The following CTNNA2 variants were observed in gnomAD, a reference collection of about 807,000 sequenced individuals.
CTNNA2 encodes catenin alpha-2.
CTNNA2 carries 42 observed loss-of-function variants against 101.0 expected under a neutral mutation model. The observed-to-expected ratio is 0.42, with a 90% CI of 0.32 to 0.54. The LOEUF (loss-of-function observed/expected upper bound fraction) is 0.54, where lower values mean the gene tolerates loss of function less well. Among genes scored for constraint, CTNNA2 ranks in the 20% least tolerant of loss-of-function variants. The probability of loss-of-function intolerance (pLI) is 0.14; values close to 1 mark genes in which losing one functional copy is unlikely to be tolerated. For synonymous variants in CTNNA2, 450 were observed against 456.4 expected (o/e 0.99, Z 0.18); for missense variants, 871 against 1,223.1 (o/e 0.71, Z 4.29).
chr2:80,448,749 A>T (rs1193857781), intron 9 of CTNNA2, among the ~76,000 whole-genome samples: 1 of 152,144 alleles, frequency 6.6e-6, no homozygotes, highest in Non-Finnish European at 1.5e-5. Context: ...GAGCTGATAA[A>T]ATATCATGTA....
Position 80,077,558 on chromosome 2 carries a change from G to C in CTNNA2, c.1056+167761G>C, listed in dbSNP as rs562101237. Among the ~76,000 whole-genome samples, 6 of 150,554 alleles carry C rather than the reference G, an allele frequency of 4.0e-5. 1 individual carries two copies. Among genetic ancestry groups the C allele is most frequent in the Middle Eastern group, 3.2e-3 (1 of 314 alleles). ...GAGCCCAGGAGTTTGAGACCAGCATGGGCAACAAAGTGAGACCCTGTCTCT... is the reference window on the plus strand; with the variant it reads ...GAGCCCAGGAGTTTGAGACCAGCATCGGCAACAAAGTGAGACCCTGTCTCT... On this transcript the variant is annotated intron_variant, in intron 7 of 18. Transcript: ENST00000402739.
chr2:79,330,792 C>G (rs572978704), intron 3 of CTNNA2, among the ~76,000 whole-genome samples: 16 of 152,274 alleles, frequency 1.1e-4, no homozygotes, highest in Admixed American at 4.6e-4. Flanking sequence ...CTTTTGTCCT[C>G]CACCATGATT....
intron 6 of CTNNA2, among the ~76,000 whole-genome samples, chr2:79,901,107 C>G (rs1471562486): frequency 6.6e-6 from 1 of 152,162 alleles, no homozygotes; most frequent in Admixed American, 6.5e-5. Context: ...TTTAAACATG[C>G]ATTGTCATTT....
chr2:79,718,532 G>A (rs187825990), intron 2 of CTNNA2, among the ~76,000 whole-genome samples: 14 of 152,174 alleles, frequency 9.2e-5, no homozygotes, highest in African/African-American at 3.1e-4. Context: ...ATGTAATTCC[G>A]GCTGTGCCTT....
intron 7 of CTNNA2, among the ~76,000 whole-genome samples, chr2:80,334,996 T>C (rs896087008): frequency 1.3e-5 from 2 of 152,124 alleles, no homozygotes; most frequent in Non-Finnish European, 2.9e-5. Flanking sequence ...AAGACTTTAG[T>C]TGGTTGAATG....
intron 7 of CTNNA2, among the ~76,000 whole-genome samples, chr2:80,082,139 T>G (rs1348571677): frequency 6.6e-6 from 1 of 152,144 alleles, no homozygotes; most frequent in Non-Finnish European, 1.5e-5. Context: ...ATGGAAATGC[T>G]TTTTGAGTCA....
At chr2:79,673,843 T>C (rs1369116339) in intron 2 of CTNNA2, among the ~76,000 whole-genome samples, 1 of 152,214 alleles carries the variant, frequency 6.6e-6, no homozygotes. Flanking sequence ...CTCCGTGTTT[T>C]ATTTCCTAAT....
chr2:80,016,169 T>G (rs572006179), intron 7 of CTNNA2, among the ~76,000 whole-genome samples: 39 of 152,362 alleles, frequency 2.6e-4, no homozygotes, highest in African/African-American at 9.1e-4. Flanking sequence ...GAAGTATATT[T>G]TGCATTAAAT....
At chr2:80,427,514 C>T (rs1681098125) in intron 9 of CTNNA2, among the ~76,000 whole-genome samples, 1 of 152,176 alleles carries the variant, frequency 6.6e-6, no homozygotes, top group African/African-American at 2.4e-5. Flanking sequence ...AGGGAGCTGG[C>T]TCTATCTGAC....
intron 11 of CTNNA2, among the ~76,000 whole-genome samples, chr2:80,549,310 C>T (rs1048994244): frequency 2.0e-5 from 3 of 152,036 alleles, no homozygotes; most frequent in Admixed American, 1.3e-4. Context: ...TCATAATGCC[C>T]AAGAGTTTTG....
At chr2:79,837,300 G>C (rs186511446) in intron 3 of CTNNA2, among the ~76,000 whole-genome samples, 1 of 152,174 alleles carries the variant, frequency 6.6e-6, no homozygotes, top group African/African-American at 2.4e-5. Flanking sequence ...AGGCTGGGAG[G>C]CTAGGCCAGT....
chr2:80,223,068 G>A (rs1228152675), intron 7 of CTNNA2, among the ~76,000 whole-genome samples: 1 of 152,016 alleles, frequency 6.6e-6, no homozygotes, highest in Non-Finnish European at 1.5e-5. Context: ...TTACATCCTA[G>A]GTTTCAGATA....
intron 9 of CTNNA2, among the ~76,000 whole-genome samples, chr2:80,506,175 T>G (rs1688261438): frequency 1.3e-5 from 2 of 152,282 alleles, no homozygotes; most frequent in South Asian, 2.1e-4. Context: ...GTGGGCTGCA[T>G]GACTACTTGA....
chr2:79,736,962 C>T (rs12992716), intron 2 of CTNNA2, among the ~76,000 whole-genome samples: 33,019 of 152,066 alleles, frequency 0.22, 3,679 homozygotes, highest in Middle Eastern at 0.25. Context: ...AGATGCTTTC[C>T]CACCAAAAGA....
intron 6 of CTNNA2, among the ~76,000 whole-genome samples, chr2:79,898,248 C>T (rs1684847447): frequency 1.3e-5 from 2 of 152,056 alleles, no homozygotes; most frequent in Admixed American, 1.3e-4. Flanking sequence ...ATTCTCCTGC[C>T]TCAGCCTCCC....
At chr2:80,624,074 T>A (rs1671419782) in intron 18 of CTNNA2, among the ~76,000 whole-genome samples, 3 of 152,008 alleles carry the variant, frequency 2.0e-5, no homozygotes, top group African/African-American at 7.2e-5. Flanking sequence ...CATTTTTCTT[T>A]GTCATGCTCC....
chr2:79,348,530 G>A (rs1677313580), intron 3 of CTNNA2, among the ~76,000 whole-genome samples: 1 of 152,218 alleles, frequency 6.6e-6, no homozygotes, highest in Admixed American at 6.5e-5. Flanking sequence ...CAGCAGCAAA[G>A]CGGAGCTTGA....
intron 3 of CTNNA2, among the ~76,000 whole-genome samples, chr2:79,372,406 G>A (rs1016502341): frequency 2.6e-5 from 4 of 152,160 alleles, no homozygotes; most frequent in Non-Finnish European, 4.4e-5. Flanking sequence ...TGCAGGAAAC[G>A]TGTCCAGGTC....
In CTNNA2 at chr2:79,833,612, C is replaced by T. The variant is rs540529103; in HGVS notation, c.299-24401C>T. ...ACTTAGTAAAACTCGATTTCTTGCT[C>T]CTCATGGCATGCCACACAAAAAGCC... On this transcript the variant is annotated intron_variant, in intron 3 of 18. Transcript: ENST00000402739. Among the ~76,000 whole-genome samples, 24 of 152,252 alleles carry T rather than the reference C, an allele frequency of 1.6e-4. No homozygotes were observed. In the South Asian group the frequency reaches 4.8e-3, roughly 30 times the overall value.
Sources: gnomAD v4.1 joint callset for allele counts (sites outside exome capture counted in the v4.1 genomes callset) on GRCh38, gnomAD v4.1.1 for gene constraint, MANE v1.5 for transcripts, NCBI Gene and HGNC (gene_info 2026-07-23, HGNC 2026-07-21) for gene names.